The following MYH14 variants were observed in gnomAD, a reference collection of about 807,000 sequenced individuals.
MYH14 encodes the protein myosin heavy chain 14, also known as myosin-14.
In MYH14, 123 loss-of-function variants were observed where a neutral mutation model predicts 255.5. That is an observed-to-expected ratio of 0.48 (90% confidence interval 0.42 to 0.56). The LOEUF (loss-of-function observed/expected upper bound fraction) is 0.56, where lower values mean the gene tolerates loss of function less well. Ranked by LOEUF, MYH14 falls within the 20% of genes least tolerant of loss-of-function variation. MYH14 has a pLI of 0.00. For missense variants in MYH14, 2,423 were observed against 2,802.3 expected (o/e 0.86, Z 3.06); for synonymous variants, 1,095 against 1,161.2 (o/e 0.94, Z 1.16).
chr19:50,245,882 C>G (rs879267065), intron 11 of MYH14, among the ~76,000 whole-genome samples: 15 of 152,292 alleles, frequency 9.8e-5, no homozygotes, highest in Non-Finnish European at 1.5e-4. Context: ...CCCCTGAATG[C>G]TTTCGGGATA....
chr19:50,219,168 G>A (rs2032672344), intron 3 of MYH14, among the ~76,000 whole-genome samples: 1 of 147,944 alleles, frequency 6.8e-6, no homozygotes, highest in Admixed American at 6.7e-5. Context: ...ATGTATCACA[G>A]TTTATCTACT....
Position 50,230,629 on chromosome 19 carries a change from T to G in MYH14, c.973+6T>G. On this transcript the variant is annotated splice_donor_region_variant and intron_variant, in intron 9 of 42. Transcript: ENST00000642316. The surrounding 1 kb of genome is among the most constrained non-coding windows in gnomAD (Gnocchi z 4.7). ...CGCTGGAGAGCAGCTCAAAGGTCAGTGCCGCCCCGTCCTACCCTGCTCACC... is the reference window on the plus strand; with the variant it reads ...CGCTGGAGAGCAGCTCAAAGGTCAGGGCCGCCCCGTCCTACCCTGCTCACC... The G allele has an allele frequency of 6.4e-7, 1 of 1,556,040 alleles. No homozygotes were observed.
At position 50,252,206 on chromosome 19, in the gene MYH14, G is replaced by A. The variant is rs1343550011; in HGVS notation, c.1831-433G>A. On this transcript the variant is annotated intron_variant, in intron 15 of 42. Coordinates refer to ENST00000642316, the MANE Select transcript of MYH14 (RefSeq NM_001145809.2). The surrounding 1 kb of genome is among the most constrained non-coding windows in gnomAD (Gnocchi z 4.2). Reference sequence around the variant, plus strand: ...GTGGGGGGCACATATGCAGAGAATTGTAGCGGCCAAGATCGTGACTCTATG... The same window carrying A: ...GTGGGGGGCACATATGCAGAGAATTATAGCGGCCAAGATCGTGACTCTATG... Among the ~76,000 whole-genome samples the A allele has an allele frequency of 1.3e-5, 2 of 152,150 alleles. No homozygotes were observed. Among genetic ancestry groups the A allele is most frequent in the Non-Finnish European group, 2.9e-5 (2 of 68,038 alleles).
chr19:50,249,113 G>T lies in MYH14; in HGVS notation c.1456G>T (p.Asp486Tyr). 1 of 1,593,260 alleles carries T rather than the reference G, an allele frequency of 6.3e-7. No homozygotes were observed. Among genetic ancestry groups the T allele is most frequent in the Non-Finnish European group, 8.5e-7 (1 of 1,169,976 alleles). The change falls in exon 13 of 43, where the codon GAC (aspartate) becomes TAC (tyrosine). Residue 486 changes from aspartate (D) to tyrosine (Y), a missense_variant. Asp to Tyr is a radical substitution (Grantham distance 160). Coordinates refer to ENST00000642316, the MANE Select transcript of MYH14 (RefSeq NM_001145809.2). ...RQGASFLGIL[D>Y]IAGFEIFQLN... is the part of the protein sequence containing the mutation. Reference sequence around the variant, plus strand: ...AGGCGCCTCCTTCCTGGGCATCCTGGACATCGCGGGCTTTGAGATCTTCCA... The same window carrying T: ...AGGCGCCTCCTTCCTGGGCATCCTGTACATCGCGGGCTTTGAGATCTTCCA...
At position 50,292,274 on chromosome 19, in the gene MYH14, A is replaced by C; in HGVS notation, c.5141A>C (p.Glu1714Ala). ...QLRKMQAQMK[E>A]LWREVEETRT... ...CGTTCCACCCAGGCCCAGATGAAGG[A>C]GCTATGGCGGGAGGTGGAGGAGACA... Residue 1714 changes from glutamate to alanine, a missense_variant, in exon 37 of 43, where the codon GAG becomes GCG. Transcript: ENST00000642316. 1 of 1,605,344 alleles carries C rather than the reference A, an allele frequency of 6.2e-7. No homozygotes were observed. The highest frequency in any genetic ancestry group is 8.5e-7 in the Non-Finnish European group (1 of 1,176,572).
chr19:50,282,793 C>T (rs1329892530), intron 33 of MYH14, among the ~76,000 whole-genome samples: 1 of 152,106 alleles, frequency 6.6e-6, no homozygotes, highest in Non-Finnish European at 1.5e-5. Flanking sequence ...CTTACGATTT[C>T]TCTCTTTATG....
chr19:50,219,624 T>C (rs2032703656), intron 3 of MYH14, among the ~76,000 whole-genome samples: 1 of 151,966 alleles, frequency 6.6e-6, no homozygotes. Flanking sequence ...GTAGATCTGA[T>C]CTCCATTGTC....
chr19:50,249,723 T>C lies in MYH14; in HGVS notation c.1556T>C (p.Phe519Ser), dbSNP rs1195421013. The C allele has an allele frequency of 1.2e-6, 2 of 1,614,222 alleles. No homozygotes were observed. Among genetic ancestry groups the C allele is most frequent in the Non-Finnish European group, 1.7e-6 (2 of 1,180,034 alleles). ...CAGCAGCTCTTCAACCACACCATGT[T>C]CGTGCTGGAGCAGGAGGAGTACCAG... ...KLQQLFNHTM[F>S]VLEQEEYQRE... Residue 519 changes from phenylalanine to serine, a missense_variant, in exon 14 of 43, where the codon TTC (phenylalanine) becomes TCC (serine). By Grantham distance (155) the Phe-to-Ser change is radical. Transcript: ENST00000642316.
At chr19:50,209,700 C>T (rs1406526295) in intron 1 of MYH14, among the ~76,000 whole-genome samples, 8 of 150,442 alleles carry the variant, frequency 5.3e-5, no homozygotes, top group East Asian at 2.0e-4. Flanking sequence ...AGGAGAATGG[C>T]GTGAACCCAG....
At chr19:50,256,761 A>G (rs1429254019) in intron 17 of MYH14, among the ~76,000 whole-genome samples, 1 of 152,270 alleles carries the variant, frequency 6.6e-6, no homozygotes, top group African/African-American at 2.4e-5. Context: ...ATTGCATATA[A>G]TGCAAGAATT....
Position 50,231,945 on chromosome 19 carries a change from A to T in MYH14, c.989A>T (p.Glu330Val), listed in dbSNP as rs748522233. Residue 330 changes from glutamate to valine, a missense_variant, in exon 10 of 43, where the codon GAG becomes GTG. Physicochemically the swap from Glu to Val is moderately radical, Grantham distance 121 (BLOSUM62 -2). Transcript: ENST00000642316. ...GEQLKADLLL[E>V]PCSHYRFLTN... ...GTCCCTGCAGCCGACCTCCTCCTCG[A>T]GCCCTGCTCCCACTACCGGTTCCTG... 8 of 1,613,780 alleles carry T rather than the reference A, an allele frequency of 5.0e-6. No homozygotes were observed. The highest frequency in any genetic ancestry group is 5.9e-6 in the Non-Finnish European group (7 of 1,179,886).
chr19:50,246,741 C>T (rs1272519844), intron 11 of MYH14, among the ~76,000 whole-genome samples: 1 of 152,222 alleles, frequency 6.6e-6, no homozygotes, highest in African/African-American at 2.4e-5. Flanking sequence ...CTAGCTTTCT[C>T]CGATTATAAA....
chr19:50,278,980 C>T (rs945208622), intron 30 of MYH14, among the ~76,000 whole-genome samples: 2 of 152,060 alleles, frequency 1.3e-5, no homozygotes, highest in Non-Finnish European at 2.9e-5. Flanking sequence ...GAGAGTGAAA[C>T]TCCATCTCCA....
chr19:50,290,929 C>T lies in MYH14; in HGVS notation c.5008C>T (p.Arg1670Cys), dbSNP rs369826983. The change falls in exon 36 of 43, where the codon CGC becomes TGC. Residue 1670 changes from arginine to cysteine, a missense_variant. By Grantham distance (180) the Arg-to-Cys change is radical. Coordinates refer to ENST00000642316, the MANE Select transcript of MYH14 (RefSeq NM_001145809.2). ...EVERDEERKQ[R>C]TLAVAARKKL... Reference sequence around the variant, plus strand: ...GGAGCGGGATGAGGAGCGGAAGCAGCGCACTCTGGCCGTGGCTGCCCGCAA... The same window carrying T: ...GGAGCGGGATGAGGAGCGGAAGCAGTGCACTCTGGCCGTGGCTGCCCGCAA... 1.0e-5 allele frequency: 16 copies of T among 1,584,800 alleles called. No homozygotes were observed. Among genetic ancestry groups the T allele is most frequent in the African/African-American group, 4.0e-5 (3 of 74,490 alleles).
intron 24 of MYH14, among the ~76,000 whole-genome samples, chr19:50,271,126 G>A (rs1281813009): frequency 6.6e-6 from 1 of 152,012 alleles, no homozygotes; most frequent in Non-Finnish European, 1.5e-5. Context: ...CAGTGCAGTG[G>A]TGCGGTCATC....
At position 50,203,626 on chromosome 19, in the gene MYH14, C is replaced by T. The variant is rs2031564257; in HGVS notation, c.-49C>T. The T allele has an allele frequency of 6.6e-6, 1 of 152,296 alleles. No individual in the cohort carries two copies. Among genetic ancestry groups the T allele is most frequent in the Non-Finnish European group, 1.5e-5 (1 of 68,122 alleles). The allele number at this position is 152,296 out of a possible 1,614,324, so 9.4% of individuals were successfully genotyped here. A position where few individuals can be genotyped will look rare whatever the true frequency, so the allele number is the denominator to read the frequency against. ...GGCGGGGCTGTCCTGGCGGACACGC[C>T]CCTCTTTCTCCCCAGGCCGAAGCCT... On this transcript the variant is annotated 5_prime_UTR_variant, in exon 1 of 43. Transcript: ENST00000642316.
At position 50,209,653 on chromosome 19, in the gene MYH14, A is replaced by G. The variant is rs547054107; in HGVS notation, c.-3-710A>G. On this transcript the variant is annotated intron_variant, in intron 1 of 42. Transcript: ENST00000642316. The stretch of plus-strand genomic sequence containing the variant: ...GAAAACAATAGCCGGGTATGGTGGC[A>G]GGCGCCTGTAGTCCCAGCTACTCAG... Among the ~76,000 whole-genome samples, 7 of 151,866 alleles carry G rather than the reference A, an allele frequency of 4.6e-5. No homozygotes were observed. The South Asian group carries it at 1.5e-3, about 32-fold the overall frequency.
rs727503230 is a variant in MYH14, at chr19:50,309,176, C to T, written c.5959C>T (p.Arg1987Ter). 2.5e-6 allele frequency: 4 copies of T among 1,613,742 alleles called. No homozygotes were observed. The highest frequency in any genetic ancestry group is 2.2e-5 in the South Asian group (2 of 91,080). ...AGTGACCACACTGAGGAACCGGCTT[C>T]GGTATGGTCATCCCACGTACAGGCC... Reference protein sequence around the residue: ...REVTTLRNRLRRGPLTFTTRT... With the variant: ...REVTTLRNRL The change falls in exon 42 of 43, where the codon CGA becomes TGA. Residue 1987 changes from arginine to a stop codon, truncating the protein, a stop_gained and splice_region_variant. Coordinates refer to ENST00000642316, the MANE Select transcript of MYH14 (RefSeq NM_001145809.2). LOFTEE classifies it low-confidence loss of function (END_TRUNC).
intron 2 of MYH14, among the ~76,000 whole-genome samples, chr19:50,217,112 C>T (rs1430100593): frequency 1.3e-5 from 2 of 152,126 alleles, no homozygotes; most frequent in South Asian, 2.1e-4. Flanking sequence ...CCCGGCCCTC[C>T]TCTTCCATCC....
Sources: gnomAD v4.1 joint callset for allele counts (sites outside exome capture counted in the v4.1 genomes callset) on GRCh38, gnomAD v4.1.1 for gene constraint, Gnocchi (gnomAD v3.1) non-coding constraint, MANE v1.5 for transcripts, NCBI Gene and HGNC (gene_info 2026-07-23, HGNC 2026-07-21) for gene names.